The following CYP4X1 variants were observed in gnomAD, a reference collection of about 807,000 sequenced individuals.
CYP4X1 encodes cytochrome P450 family 4 subfamily X member 1.
A neutral mutation model predicts 57.9 loss-of-function variants in CYP4X1; 44 were observed. That is an observed-to-expected ratio of 0.76 (90% CI 0.60 to 0.98). The LOEUF (loss-of-function observed/expected upper bound fraction) is 0.98. Ranked by LOEUF, CYP4X1 falls within the 50% of genes least tolerant of loss-of-function variation. CYP4X1 has a pLI of 0.00. For missense variants in CYP4X1, 532 were observed against 623.9 expected (o/e 0.85, Z 1.57); for synonymous variants, 227 against 228.6 (o/e 0.99, Z 0.06).
chr1:47,050,114 T>G lies in CYP4X1; in HGVS notation c.1470T>G (p.His490Gln), dbSNP rs771653393. 6.2e-7 allele frequency: 1 copy of G among 1,613,906 alleles called. No homozygotes were observed. Among genetic ancestry groups the G allele is most frequent in the East Asian group, 2.2e-5 (1 of 44,872 alleles). The change falls in exon 12 of 12, where the codon CAT becomes CAG. Residue 490 changes from histidine (H) to glutamine (Q), a missense_variant. Transcript: ENST00000371901. ...CCAGGCCTCTTACTTTCCCCAACCA[T>G]TTTATCCTCAAGCCCAAGAATGGGA... Reference protein sequence around the residue: ...DPTRPLTFPNHFILKPKNGMY... With the variant: ...DPTRPLTFPNQFILKPKNGMY...
Position 47,050,563 on chromosome 1 carries a change from T to C in CYP4X1, c.*389T>C, listed in dbSNP as rs908006506. 3 of 164,760 alleles carry C rather than the reference T, an allele frequency of 1.8e-5. No homozygotes were observed. The highest frequency in any genetic ancestry group is 1.2e-4 in the Admixed American group (2 of 17,184). 10.2% of individuals were successfully genotyped at this position (164,760 alleles called of 1,614,324 possible). On this transcript the variant is annotated 3_prime_UTR_variant, in exon 12 of 12. Transcript: ENST00000371901. ...TAAAAATTTTAAATCTCACTTCACT[T>C]AGCCGACATTCCATGCCCTGACCAA...
downstream of CYP4X1, among the ~76,000 whole-genome samples, chr1:47,052,219 A>C (rs1644363972): frequency 1.3e-5 from 2 of 152,162 alleles, no homozygotes; most frequent in Admixed American, 1.3e-4. Flanking sequence ...CCTAATAATT[A>C]TTATATTATT....
At chr1:46,961,687 G>T in the CYP4X1 span, 1 of 1,292,738 alleles carries the variant, frequency 7.7e-7, no homozygotes, top group South Asian at 1.2e-5. Context: ...GTCTCTATTT[G>T]ACCCAACCAA....
chr1:47,013,300 T>G, the CYP4X1 span, among the ~76,000 whole-genome samples: 1 of 152,126 alleles, frequency 6.6e-6, no homozygotes. Flanking sequence ...GGAGGCACAG[T>G]GTGATACAGA....
the CYP4X1 span, among the ~76,000 whole-genome samples, chr1:46,967,080 A>T: frequency 6.6e-6 from 1 of 152,230 alleles, no homozygotes; most frequent in South Asian, 2.1e-4. Flanking sequence ...TGTTGTGAAG[A>T]GATTTTGTGG....
chr1:47,003,596 TG>T, the CYP4X1 span, among the ~76,000 whole-genome samples: 1 of 152,120 alleles, frequency 6.6e-6, no homozygotes, highest in South Asian at 2.1e-4. Context: ...TTTTTACTCA[TG>T]TCATAAGGCA....
downstream of CYP4X1, among the ~76,000 whole-genome samples, chr1:47,053,450 G>A (rs1474638500): frequency 6.6e-5 from 10 of 152,268 alleles, no homozygotes; most frequent in South Asian, 1.0e-3. Flanking sequence ...GGATGGCTGT[G>A]TCAAATGGTA....
upstream of CYP4X1, among the ~76,000 whole-genome samples, chr1:47,023,150 T>A (rs1305512982): frequency 6.6e-6 from 1 of 152,218 alleles, no homozygotes; most frequent in Admixed American, 6.5e-5. Flanking sequence ...CATTTTGCAC[T>A]GAGATTCATA....
chr1:47,049,175 T>C (rs959454527), intron 10 of CYP4X1, among the ~76,000 whole-genome samples: 1 of 152,194 alleles, frequency 6.6e-6, no homozygotes. Flanking sequence ...GAAGACATAG[T>C]ACCCTAAAAA....
At chr1:46,992,583 T>C in the CYP4X1 span, among the ~76,000 whole-genome samples, 1 of 152,350 alleles carries the variant, frequency 6.6e-6, no homozygotes, top group East Asian at 1.9e-4. Context: ...GAATCAGAAC[T>C]TCACTCCTGT....
At chr1:46,982,719 T>C in the CYP4X1 span, among the ~76,000 whole-genome samples, 1 of 152,196 alleles carries the variant, frequency 6.6e-6, no homozygotes, top group Non-Finnish European at 1.5e-5. Flanking sequence ...TGCTCAGCCA[T>C]GTGGCTCCTA....
At chr1:47,005,552 T>C in the CYP4X1 span, among the ~76,000 whole-genome samples, 1 of 152,242 alleles carries the variant, frequency 6.6e-6, no homozygotes, top group Non-Finnish European at 1.5e-5. Context: ...TATGTGTGTA[T>C]ACAAGTCTAG....
chr1:47,031,436 A>G lies in CYP4X1; in HGVS notation c.320A>G (p.Asp107Gly), dbSNP rs770889478. 11 of 1,613,966 alleles carry G rather than the reference A, an allele frequency of 6.8e-6. No individual in the cohort carries two copies. The South Asian group carries it at 1.1e-4, about 16-fold the overall frequency. Residue 107 changes from aspartate to glycine, a missense_variant and splice_region_variant, in exon 3 of 12, where the codon GAT becomes GGT. Physicochemically the swap from Asp to Gly is moderately conservative, Grantham distance 94. Coordinates refer to ENST00000371901, the MANE Select transcript of CYP4X1 (RefSeq NM_178033.2). ...TTGTTTCCTCTGCTTGACTCTGCAGATCCCAAGTCCCAGTACCTGCAGAAA... is the reference window on the plus strand; with the variant it reads ...TTGTTTCCTCTGCTTGACTCTGCAGGTCCCAAGTCCCAGTACCTGCAGAAA... ...DYAKTLLSRT[D>G]PKSQYLQKFS...
the CYP4X1 span, chr1:46,961,594 A>G: frequency 8.7e-4 from 1,110 of 1,275,200 alleles, 1 homozygote; most frequent in Non-Finnish European, 1.1e-3. Flanking sequence ...TGATGTGGGG[A>G]GGAGGCCTGG....
Position 47,023,925 on chromosome 1 carries a change from G to T in CYP4X1, c.108G>T (p.Arg36Ser). Residue 36 changes from arginine to serine, a missense_variant, in exon 1 of 12, where the codon AGG (arginine) becomes AGT (serine). Coordinates refer to ENST00000371901, the MANE Select transcript of CYP4X1 (RefSeq NM_178033.2). The part of the protein sequence containing the change: ...LLQAIKLYLR[R>S]QRLLRDLRPF... The stretch of plus-strand genomic sequence containing the variant: ...AGGCCATTAAGCTGTACCTGCGGAG[G>T]CAGCGGCTGCTGCGGGACCTGCGCC... 1 of 1,613,578 alleles carries T rather than the reference G, an allele frequency of 6.2e-7. No homozygotes were observed.
the CYP4X1 span, among the ~76,000 whole-genome samples, chr1:46,964,405 C>G: frequency 1.3e-5 from 2 of 152,166 alleles, no homozygotes; most frequent in African/African-American, 2.4e-5. Context: ...TGGTGACGTA[C>G]AGGTGGGGTT....
At chr1:46,971,963 T>C in the CYP4X1 span, among the ~76,000 whole-genome samples, 59 of 152,194 alleles carry the variant, frequency 3.9e-4, no homozygotes, top group Admixed American at 7.9e-4. Flanking sequence ...TCAATTTTTG[T>C]TTTTGTTGCA....
the CYP4X1 span, among the ~76,000 whole-genome samples, chr1:46,968,685 T>TTGAGTGAG: frequency 4.9e-4 from 75 of 151,842 alleles, no homozygotes; most frequent in African/African-American, 1.6e-3. Context: ...CACTCAGTGA[T>TTGAGTGAG]TGAGTGAGTG....
the CYP4X1 span, among the ~76,000 whole-genome samples, chr1:46,987,233 C>A: frequency 6.6e-6 from 1 of 152,082 alleles, no homozygotes; most frequent in Non-Finnish European, 1.5e-5. Context: ...GGGTCACAAT[C>A]CTAGTCTCTG....
Sources: gnomAD v4.1 joint callset for allele counts (sites outside exome capture counted in the v4.1 genomes callset) on GRCh38, gnomAD v4.1.1 for gene constraint, MANE v1.5 for transcripts, NCBI Gene and HGNC (gene_info 2026-07-23, HGNC 2026-07-21) for gene names.